CNR2: variants seen among roughly 807,000 people sequenced by gnomAD.
CNR2 encodes cannabinoid receptor 2 (macrophage).
For synonymous variants in CNR2, 172 were observed against 182.2 expected (o/e 0.94, Z 0.45); for missense variants, 379 against 439.9 (o/e 0.86, Z 1.24).
chr1:23,891,985 T>C (rs1268671174), intron 1 of CNR2, among the ~76,000 whole-genome samples: 6 of 152,124 alleles, frequency 3.9e-5, no homozygotes, highest in Non-Finnish European at 7.4e-5. Flanking sequence ...GCAAGGCAAT[T>C]TGATGGCCTC....
intron 1 of CNR2, among the ~76,000 whole-genome samples, chr1:23,912,627 A>G (rs1640606073): frequency 6.6e-6 from 1 of 152,254 alleles, no homozygotes; most frequent in Non-Finnish European, 1.5e-5. Flanking sequence ...AAATAAATCC[A>G]ACCACTAAAG....
In CNR2 at chr1:23,874,446, A is replaced by C. The variant is rs201160547; in HGVS notation, c.*89T>G. 4.3e-6 allele frequency: 6 copies of C among 1,411,502 alleles called. No homozygotes were observed. The highest frequency in any genetic ancestry group is 5.8e-6 in the Non-Finnish European group (6 of 1,041,352). 87.4% of individuals were successfully genotyped at this position (1,411,502 alleles called of 1,614,324 possible). On this transcript the variant is annotated 3_prime_UTR_variant, in exon 2 of 2. Transcript: ENST00000374472. ...TGTCTAGGTGTCTGGGACTGGTTTA[A>C]GTAAGAAGAGAGTGCCAAGACCCCT... is the stretch of plus-strand genomic sequence containing the variant.
At chr1:23,901,887 T>C in intron 1 of CNR2, 1 of 1,608,224 alleles carries the variant, frequency 6.2e-7, no homozygotes, top group South Asian at 1.1e-5. Flanking sequence ...CATTGGTTGC[T>C]GCGGTAGGCA....
intron 1 of CNR2, among the ~76,000 whole-genome samples, chr1:23,904,085 T>TGAAGACA (rs917424676): frequency 5.9e-4 from 90 of 152,284 alleles, no homozygotes; most frequent in African/African-American, 2.1e-3. Flanking sequence ...TCACACTGCC[T>TGAAGACA]GAAGACAGGA....
chr1:23,906,537 T>C (rs1439391427), intron 1 of CNR2, among the ~76,000 whole-genome samples: 1 of 105,732 alleles, frequency 9.5e-6, no homozygotes, highest in African/African-American at 3.0e-5. Context: ...ATCTTTCTTT[T>C]TTTTCTTTCT....
chr1:23,909,071 G>GTCCC (rs1432117041), intron 1 of CNR2, among the ~76,000 whole-genome samples: 17 of 152,030 alleles, frequency 1.1e-4, no homozygotes, highest in Admixed American at 1.1e-3. Flanking sequence ...GAACCACGAA[G>GTCCC]TCCCCTCTGC....
At chr1:23,884,733 T>G (rs1261150278) in intron 1 of CNR2, among the ~76,000 whole-genome samples, 1 of 152,162 alleles carries the variant, frequency 6.6e-6, no homozygotes, top group Non-Finnish European at 1.5e-5. Context: ...AGGTCAGAAC[T>G]AAGGCTTTAT....
chr1:23,901,492 A>G, intron 1 of CNR2: 2 of 1,578,600 alleles, frequency 1.3e-6, no homozygotes, highest in Non-Finnish European at 8.6e-7. Flanking sequence ...AGATGAGCTC[A>G]GGGATCTGCC....
chr1:23,909,861 G>T (rs1477019705), intron 1 of CNR2, among the ~76,000 whole-genome samples: 1 of 151,918 alleles, frequency 6.6e-6, no homozygotes, highest in East Asian at 1.9e-4. Context: ...CTCCTATTTT[G>T]ATTCCCACCA....
rs763493467 is a variant in CNR2 at position 23,875,619 on chromosome 1, G to C, written c.-2C>G. ...CTCTGTCACCCAGCATTCCTCCATG[G>C]GGTGGGCCCTTCAGATTCCACTGAG... On this transcript the variant is annotated 5_prime_UTR_variant, in exon 2 of 2. Coordinates refer to ENST00000374472, the MANE Select transcript of CNR2 (RefSeq NM_001841.3). The C allele has an allele frequency of 6.3e-7, 1 of 1,591,690 alleles. No homozygotes were observed. Among genetic ancestry groups the C allele is most frequent in the South Asian group, 1.1e-5 (1 of 88,912 alleles).
chr1:23,901,751 C>A, intron 1 of CNR2: 1 of 1,437,288 alleles, frequency 7.0e-7, no homozygotes, highest in Non-Finnish European at 9.8e-7. Context: ...TACCCCAAGC[C>A]TCTTGAGCTC....
chr1:23,882,363 G>GA (rs1441591717), intron 1 of CNR2, among the ~76,000 whole-genome samples: 1 of 151,652 alleles, frequency 6.6e-6, no homozygotes, highest in Non-Finnish European at 1.5e-5. Flanking sequence ...TGTGAAAAAA[G>GA]AAAAAAAGAC....
intron 1 of CNR2, among the ~76,000 whole-genome samples, chr1:23,896,144 G>A (rs1246436567): frequency 6.6e-5 from 10 of 151,916 alleles, no homozygotes; most frequent in East Asian, 5.8e-4. Flanking sequence ...CTCAGATTAC[G>A]GGCATGAGCC....
chr1:23,906,820 AG>A, intron 1 of CNR2, among the ~76,000 whole-genome samples: 1 of 151,854 alleles, frequency 6.6e-6, no homozygotes, highest in South Asian at 2.1e-4. Flanking sequence ...TGAATCTAGG[AG>A]GTCAAGGCTG....
intron 1 of CNR2, among the ~76,000 whole-genome samples, chr1:23,899,482 G>C (rs1640344698): frequency 1.3e-5 from 2 of 151,988 alleles, no homozygotes; most frequent in Admixed American, 6.6e-5. Flanking sequence ...CTGGGGACTA[G>C]ATTGCCTTTG....
At chr1:23,890,287 A>AAAG (rs968128528) in intron 1 of CNR2, among the ~76,000 whole-genome samples, 3 of 151,436 alleles carry the variant, frequency 2.0e-5, no homozygotes, top group African/African-American at 4.8e-5. Flanking sequence ...AAAGAAAAGA[A>AAAG]AAGAAGAAGA....
intron 1 of CNR2, among the ~76,000 whole-genome samples, chr1:23,905,241 GTGCATCTCGGCTCAC>G (rs913111864): frequency 2.0e-4 from 30 of 148,886 alleles, no homozygotes; most frequent in Non-Finnish European, 2.5e-4. Flanking sequence ...CTGGAGTGTA[GTGCATCTCGGCTCAC>G]TGCAACCTCC....
intron 1 of CNR2, among the ~76,000 whole-genome samples, chr1:23,884,668 G>A (rs185977136): frequency 6.6e-6 from 1 of 151,872 alleles, no homozygotes; most frequent in East Asian, 1.9e-4. Flanking sequence ...CTATTTCACA[G>A]ATAATAAAAG....
Position 23,874,745 on chromosome 1 carries a change from G to A in CNR2, c.873C>T (p.Asn291=). Residue 291 remains asparagine, a synonymous_variant, in exon 2 of 2, where the codon AAC becomes AAT. Transcript: ENST00000374472. ...FAFCSMLCLI[N]SMVNPVIYAL... is the part of the protein sequence containing the mutation. ...CATAGATGACAGGGTTGACCATGGA[G>A]TTGATGAGGCACAGCATGGAGCAGA... The A allele has an allele frequency of 6.2e-7, 1 of 1,614,180 alleles. No individual in the cohort carries two copies. The highest frequency in any genetic ancestry group is 8.5e-7 in the Non-Finnish European group (1 of 1,180,036).
Sources: allele counts gnomAD v4.1 joint callset (sites outside exome capture counted in the v4.1 genomes callset), GRCh38; gene constraint gnomAD v4.1.1; transcripts MANE v1.5; gene names NCBI Gene and HGNC (gene_info 2026-07-23, HGNC 2026-07-21).